Variants in BACH2 observed in about 807,000 individuals in gnomAD.
The protein encoded by BACH2 is BACH transcriptional regulator 2, also known as transcription regulator protein BACH2.
BACH2 carries 5 observed loss-of-function variants against 61.8 expected under a neutral mutation model. The observed-to-expected ratio is 0.08, with a 90% CI of 0.04 to 0.17. BACH2 has a LOEUF of 0.17. BACH2 is among the 10% of genes least tolerant of loss of function. BACH2 has a pLI of 1.00. For missense variants in BACH2, 824 were observed against 1,091.1 expected, an observed-to-expected ratio of 0.76 and a Z score of 3.45; for synonymous variants, 446 against 440.1, an observed-to-expected ratio of 1.01 and a Z score of -0.17.
At chr6:90,203,664 G>C (rs371728873) in intron 4 of BACH2, among the ~76,000 whole-genome samples, 28 of 152,230 alleles carry the variant, frequency 1.8e-4, no homozygotes, top group African/African-American at 5.5e-4. Context: ...AAATAAATAT[G>C]AGGCTGTCTA....
chr6:90,122,080 A>G (rs1783651527), intron 4 of BACH2, among the ~76,000 whole-genome samples: 1 of 152,148 alleles, frequency 6.6e-6, no homozygotes, highest in South Asian at 2.1e-4. Context: ...CATGTGTGAC[A>G]AGGTTTCCTT....
At chr6:90,215,295 C>A (rs577030261) in intron 3 of BACH2, among the ~76,000 whole-genome samples, 30 of 152,268 alleles carry the variant, frequency 2.0e-4, no homozygotes, top group Non-Finnish European at 3.8e-4. Flanking sequence ...TTCCATCCCC[C>A]TGGTCTGTGC....
chr6:90,022,446 T>C (rs1246396431), intron 5 of BACH2, among the ~76,000 whole-genome samples: 1 of 152,142 alleles, frequency 6.6e-6, no homozygotes, highest in Non-Finnish European at 1.5e-5. Context: ...TAGCTGGGTA[T>C]ATTAGTGCAT....
At chr6:90,161,321 G>T (rs1203429061) in intron 4 of BACH2, among the ~76,000 whole-genome samples, 1 of 152,088 alleles carries the variant, frequency 6.6e-6, no homozygotes, top group African/African-American at 2.4e-5. Flanking sequence ...TGGTACTAAT[G>T]ATTTGCAAAT....
intron 6 of BACH2, among the ~76,000 whole-genome samples, chr6:89,959,947 GCT>G (rs1253620174): frequency 7.2e-5 from 11 of 152,102 alleles, no homozygotes; most frequent in Non-Finnish European, 1.5e-5. Context: ...TCTGTCTCTT[GCT>G]CTGTTTATCT....
At position 89,976,644 on chromosome 6, in the gene BACH2, A is replaced by C. The variant is rs576938430; in HGVS notation, c.244-24782T>G. Among the ~76,000 whole-genome samples, 4 of 152,334 alleles carry C rather than the reference A, an allele frequency of 2.6e-5. No homozygotes were observed. In the East Asian group the frequency reaches 7.7e-4, roughly 29 times the overall value. Reference sequence around the variant, plus strand: ...TATGGGTCACGTACCCACTAAAACGAAACAATCACACTTTATGTCTCTATC... The same window carrying C: ...TATGGGTCACGTACCCACTAAAACGCAACAATCACACTTTATGTCTCTATC... On this transcript the variant is annotated intron_variant, in intron 6 of 8. Transcript: ENST00000257749.
At chr6:90,191,296 A>G (rs1000214486) in intron 4 of BACH2, among the ~76,000 whole-genome samples, 3 of 152,230 alleles carry the variant, frequency 2.0e-5, no homozygotes, top group African/African-American at 7.2e-5. Flanking sequence ...ATTCTGAATC[A>G]AACACTGCTC....
At chr6:90,203,532 T>C (rs1769031304) in intron 4 of BACH2, among the ~76,000 whole-genome samples, 1 of 151,840 alleles carries the variant, frequency 6.6e-6, no homozygotes, top group Non-Finnish European at 1.5e-5. Flanking sequence ...TGCATGAGGG[T>C]TTGGGAGAAT....
intron 3 of BACH2, among the ~76,000 whole-genome samples, chr6:90,218,900 GT>G (rs1420526630): frequency 1.3e-5 from 2 of 151,132 alleles, no homozygotes; most frequent in African/African-American, 4.9e-5. Context: ...GGCCTGGGCT[GT>G]GAATTTCGGT....
At chr6:90,089,556 A>G (rs184793156) in intron 4 of BACH2, among the ~76,000 whole-genome samples, 3 of 152,272 alleles carry the variant, frequency 2.0e-5, no homozygotes, top group African/African-American at 7.2e-5. Context: ...AAATGAGATG[A>G]TTCCCTGATG....
chr6:90,292,999 A>G (rs972729257), intron 1 of BACH2, among the ~76,000 whole-genome samples: 5 of 152,228 alleles, frequency 3.3e-5, no homozygotes, highest in African/African-American at 9.6e-5. Context: ...GCTCCTCACC[A>G]GAACCAGGTA....
intron 6 of BACH2, among the ~76,000 whole-genome samples, chr6:89,987,861 G>A (rs866947904): frequency 2.6e-5 from 4 of 152,106 alleles, no homozygotes; most frequent in Non-Finnish European, 4.4e-5. Flanking sequence ...AGCCCAACAC[G>A]TGTTATGGTT....
chr6:89,999,641 C>T (rs905394097), intron 6 of BACH2, among the ~76,000 whole-genome samples: 9 of 152,116 alleles, frequency 5.9e-5, no homozygotes, highest in African/African-American at 1.9e-4. Context: ...AAGTGAGGAA[C>T]TTTATAGCTC....
At chr6:90,236,186 C>T (rs1306768139) in intron 3 of BACH2, among the ~76,000 whole-genome samples, 1 of 152,240 alleles carries the variant, frequency 6.6e-6, no homozygotes, top group Non-Finnish European at 1.5e-5. Context: ...ATATAAGAAA[C>T]ATTTATTGAG....
At chr6:90,115,508 CA>C (rs1180784951) in intron 4 of BACH2, among the ~76,000 whole-genome samples, 1 of 152,016 alleles carries the variant, frequency 6.6e-6, no homozygotes, top group Non-Finnish European at 1.5e-5. Flanking sequence ...ACACCACGTA[CA>C]AAAATCAATT....
chr6:90,160,133 C>A (rs555521461), intron 4 of BACH2, among the ~76,000 whole-genome samples: 1 of 152,334 alleles, frequency 6.6e-6, no homozygotes, highest in African/African-American at 2.4e-5. Flanking sequence ...TAGAAACACA[C>A]AACTCCCTAA....
chr6:89,936,351 A>G (rs1254826254), intron 8 of BACH2, among the ~76,000 whole-genome samples: 1 of 152,200 alleles, frequency 6.6e-6, no homozygotes, highest in Admixed American at 6.5e-5. Context: ...TATATTGCCC[A>G]GGCTAGTCTC....
At chr6:89,937,732 T>A (rs1762664759) in intron 8 of BACH2, among the ~76,000 whole-genome samples, 1 of 152,212 alleles carries the variant, frequency 6.6e-6, no homozygotes, top group South Asian at 2.1e-4. Context: ...GGTTTCTCCA[T>A]GTTGGTCAGG....
At position 90,132,749 on chromosome 6, in the gene BACH2, T is replaced by C. The variant is rs1228351068; in HGVS notation, c.-161-43640A>G. 5.9e-5 allele frequency among the ~76,000 whole-genome samples: 9 copies of C among 152,306 alleles called. No individual in the cohort carries two copies. The East Asian group carries it at 1.7e-3, about 29-fold the overall frequency. ...TTTTCCTGGGCTTACAAAAGGGCAG[T>C]CCACAACTCAGCTTGTATTCATGGC... is the stretch of plus-strand genomic sequence containing the variant. On this transcript the variant is annotated intron_variant, in intron 4 of 8. Coordinates refer to ENST00000257749, the MANE Select transcript of BACH2 (RefSeq NM_021813.4).
Sources: gnomAD v4.1 joint callset for allele counts (sites outside exome capture counted in the v4.1 genomes callset) on GRCh38, gnomAD v4.1.1 for gene constraint, MANE v1.5 for transcripts, NCBI Gene and HGNC (gene_info 2026-07-23, HGNC 2026-07-21) for gene names.